Variants in ANKRD45 observed in about 807,000 individuals in gnomAD.
ANKRD45 encodes the protein ankyrin repeat domain-containing protein 45.
ANKRD45 carries 21 observed loss-of-function variants against 28.1 expected under a neutral mutation model. The ratio of observed to expected loss-of-function variants is 0.75; its 90% CI spans 0.53 to 1.08. ANKRD45 has a LOEUF of 1.08. Among genes scored for constraint, ANKRD45 ranks in the 50% least tolerant of loss-of-function variants. The pLI is 0.00. For synonymous variants in ANKRD45, 86 were observed against 103.9 expected (o/e 0.83, Z 1.05); for missense variants, 261 against 308.7 (o/e 0.85, Z 1.16).
chr1:173,667,571 T>C (rs1670077993), intron 1 of ANKRD45: 1 of 250,870 alleles, frequency 4.0e-6, no homozygotes, highest in South Asian at 4.0e-5. Flanking sequence ...TCGGGCATAG[T>C]GGCAGGCGCC....
intron 5 of ANKRD45, among the ~76,000 whole-genome samples, chr1:173,614,559 C>A (rs1021213499): frequency 2.0e-5 from 3 of 151,952 alleles, no homozygotes; most frequent in Admixed American, 6.6e-5. Flanking sequence ...TATTGGACAG[C>A]CACTTTCATA....
intron 3 of ANKRD45, among the ~76,000 whole-genome samples, chr1:173,641,444 G>C (rs1342340646): frequency 6.6e-6 from 1 of 152,186 alleles, no homozygotes; most frequent in Non-Finnish European, 1.5e-5. Flanking sequence ...GGGCAATCCA[G>C]CTTCCACCTC....
rs1392409659 is a variant in ANKRD45, at chr1:173,609,279, G to A, written c.*866C>T. Among the ~76,000 whole-genome samples, 1 of 152,192 alleles carries A rather than the reference G, an allele frequency of 6.6e-6. No homozygotes were observed. The highest frequency in any genetic ancestry group is 1.5e-5 in the Non-Finnish European group (1 of 68,028). ...TCCTTCTCCCCATAAGGGAAAACTA[G>A]CTTTCAGAACAGGACAAAGAAGAGA... On this transcript the variant is annotated 3_prime_UTR_variant, in exon 6 of 6. Coordinates refer to ENST00000333279, the MANE Select transcript of ANKRD45 (RefSeq NM_198493.3).
chr1:173,698,151 C>T, the ANKRD45 span, among the ~76,000 whole-genome samples: 1 of 152,300 alleles, frequency 6.6e-6, no homozygotes, highest in East Asian at 1.9e-4. Context: ...AATACAGGAG[C>T]ACCCAGATTC....
In ANKRD45 at chr1:173,609,502, G is replaced by C. The variant is rs868095115; in HGVS notation, c.*643C>G. On this transcript the variant is annotated 3_prime_UTR_variant, in exon 6 of 6. Transcript: ENST00000333279. ...TATAAAACAGAATGGGAGGGGAAAT[G>C]GTCTTCAGTCCAGTTACAATATCTG... 2 of 152,202 alleles carry C rather than the reference G, an allele frequency of 1.3e-5. No homozygotes were observed. Among genetic ancestry groups the C allele is most frequent in the African/African-American group, 4.8e-5 (2 of 41,438 alleles). 9.4% of individuals were successfully genotyped at this position (152,202 alleles called of 1,614,324 possible).
the ANKRD45 span, among the ~76,000 whole-genome samples, chr1:173,689,168 G>A: frequency 2.0e-5 from 3 of 152,144 alleles, no homozygotes; most frequent in East Asian, 5.8e-4. Flanking sequence ...CTCTCTTGAA[G>A]TGGCCTGTTT....
the ANKRD45 span, among the ~76,000 whole-genome samples, chr1:173,690,062 GC>G: frequency 0.11 from 5,786 of 52,892 alleles, 910 homozygotes; most frequent in African/African-American, 0.28. Context: ...CCTGCCCCCC[GC>G]CCCCCCCCCC....
rs1461156143 is a variant in ANKRD45, at chr1:173,669,571, C to T, written c.-16+246G>A. The T allele has an allele frequency of 3.9e-5, 17 of 440,986 alleles. No homozygotes were observed. In the East Asian group the frequency reaches 1.2e-3, roughly 31 times the overall value. 27.3% of individuals were successfully genotyped at this position (440,986 alleles called of 1,614,324 possible). On this transcript the variant is annotated intron_variant, in intron 1 of 5. Transcript: ENST00000333279. ...TCCCGCGAGGGGGCAACGGACACTT[C>T]AGGGCACCAGAGTTTGCTCTTCGGC...
At chr1:173,669,358 A>G (rs1670156853) in intron 1 of ANKRD45, 2 of 442,600 alleles carry the variant, frequency 4.5e-6, no homozygotes, top group Admixed American at 2.6e-5. Context: ...ATAGAGGAGT[A>G]GATCCTAATG....
chr1:173,682,413 T>G, the ANKRD45 span, among the ~76,000 whole-genome samples: 1 of 152,070 alleles, frequency 6.6e-6, no homozygotes, highest in Non-Finnish European at 1.5e-5. Flanking sequence ...GAGACAAACT[T>G]GTCTGTTTAC....
At chr1:173,706,301 CAAAAAA>C in the ANKRD45 span, among the ~76,000 whole-genome samples, 2 of 93,582 alleles carry the variant, frequency 2.1e-5, no homozygotes, top group African/African-American at 3.8e-5. Flanking sequence ...GATTCCGTCT[CAAAAAA>C]AAAAAAAAAA....
intron 2 of ANKRD45, among the ~76,000 whole-genome samples, chr1:173,650,954 T>G (rs1348839091): frequency 1.3e-5 from 2 of 152,000 alleles, no homozygotes; most frequent in Admixed American, 6.6e-5. Flanking sequence ...TTTTTTTCTT[T>G]TAAATTTGTT....
chr1:173,662,181 G>C (rs567144355), intron 1 of ANKRD45, among the ~76,000 whole-genome samples: 1 of 152,168 alleles, frequency 6.6e-6, no homozygotes, highest in Non-Finnish European at 1.5e-5. Context: ...TTACAAAACA[G>C]GTGGTGGTCC....
chr1:173,652,164 G>C (rs1669258688), intron 2 of ANKRD45, among the ~76,000 whole-genome samples: 1 of 152,072 alleles, frequency 6.6e-6, no homozygotes, highest in Non-Finnish European at 1.5e-5. Context: ...GGGCATCCCT[G>C]TCTTGTGCCA....
At chr1:173,670,199 C>T (rs887154477), upstream of ANKRD45, among the ~76,000 whole-genome samples, 3 of 152,064 alleles carry the variant, frequency 2.0e-5, no homozygotes, top group Non-Finnish European at 4.4e-5. Flanking sequence ...TATCTTTCTC[C>T]CATGGTTTAT....
chr1:173,648,333 C>A (rs1480352825), intron 2 of ANKRD45, among the ~76,000 whole-genome samples: 1 of 152,130 alleles, frequency 6.6e-6, no homozygotes, highest in East Asian at 1.9e-4. Context: ...CCTGGCCTCC[C>A]AAAGTGCTAG....
upstream of ANKRD45, among the ~76,000 whole-genome samples, chr1:173,672,094 C>T (rs1325639641): frequency 1.1e-4 from 17 of 152,118 alleles, no homozygotes; most frequent in Admixed American, 9.8e-4. Context: ...AGAATTAAGG[C>T]GGCTGCAGAC....
At chr1:173,642,677 G>C (rs1228441668) in intron 3 of ANKRD45, among the ~76,000 whole-genome samples, 1 of 152,206 alleles carries the variant, frequency 6.6e-6, no homozygotes, top group East Asian at 1.9e-4. Flanking sequence ...GCAAGCATGA[G>C]GTCATAGCCT....
chr1:173,608,777 G>A lies in ANKRD45; in HGVS notation c.*1368C>T, dbSNP rs896049325. Reference sequence around the variant, plus strand: ...AGAAGGTTGCGGGGGTGGAGAGAGAGAGAGAGATAAGAGAGGAAGAAGAAG... The same window carrying A: ...AGAAGGTTGCGGGGGTGGAGAGAGAAAGAGAGATAAGAGAGGAAGAAGAAG... On this transcript the variant is annotated 3_prime_UTR_variant, in exon 6 of 6. Coordinates refer to ENST00000333279, the MANE Select transcript of ANKRD45 (RefSeq NM_198493.3). Among the ~76,000 whole-genome samples the A allele has an allele frequency of 6.9e-6, 1 of 144,896 alleles. No homozygotes were observed. Among genetic ancestry groups the A allele is most frequent in the African/African-American group, 2.6e-5 (1 of 38,462 alleles).
Sources: gnomAD v4.1 joint callset for allele counts (sites outside exome capture counted in the v4.1 genomes callset) on GRCh38, gnomAD v4.1.1 for gene constraint, MANE v1.5 for transcripts, NCBI Gene and HGNC (gene_info 2026-07-23, HGNC 2026-07-21) for gene names.